POU2AF2: variants seen among roughly 807,000 people sequenced by gnomAD.
The protein encoded by POU2AF2 is POU domain class 2-associating factor 2.
the POU2AF2 span, among the ~76,000 whole-genome samples, chr11:111,252,238 AC>A: frequency 1.3e-5 from 2 of 152,032 alleles, no homozygotes; most frequent in African/African-American, 4.8e-5. Flanking sequence ...ATTAGAGTTG[AC>A]CACCCCACCT....
chr11:111,264,622 GAAGA>G, the POU2AF2 span, among the ~76,000 whole-genome samples: 571 of 68,332 alleles, frequency 8.4e-3, 63 homozygotes, highest in African/African-American at 0.024. Flanking sequence ...GAAAGAAAGA[GAAGA>G]AAGAAAGAGA....
At chr11:111,254,241 A>T in the POU2AF2 span, among the ~76,000 whole-genome samples, 1 of 152,242 alleles carries the variant, frequency 6.6e-6, no homozygotes, top group Admixed American at 6.5e-5. Flanking sequence ...TTTAAATTTG[A>T]GGCTGATTTC....
the POU2AF2 span, among the ~76,000 whole-genome samples, chr11:111,258,927 G>A: frequency 1.3e-5 from 2 of 152,114 alleles, no homozygotes; most frequent in African/African-American, 2.4e-5. Flanking sequence ...AGTGACAGTG[G>A]GTCTTTTATG....
chr11:111,279,559 C>T, the POU2AF2 span, among the ~76,000 whole-genome samples: 1 of 152,186 alleles, frequency 6.6e-6, no homozygotes, highest in Non-Finnish European at 1.5e-5. Context: ...AAACTGCTGC[C>T]TTTGTCTTCA....
the POU2AF2 span, among the ~76,000 whole-genome samples, chr11:111,249,219 G>A: frequency 6.6e-6 from 1 of 152,270 alleles, no homozygotes; most frequent in Middle Eastern, 3.4e-3. Flanking sequence ...GTATGCAGGT[G>A]TGGATTCTTT....
At chr11:111,283,682 G>A in the POU2AF2 span, among the ~76,000 whole-genome samples, 10 of 152,134 alleles carry the variant, frequency 6.6e-5, no homozygotes, top group Non-Finnish European at 1.5e-5. Flanking sequence ...AGCACCTCTT[G>A]TTAACAGTTC....
At chr11:111,263,867 C>A in the POU2AF2 span, among the ~76,000 whole-genome samples, 1 of 152,284 alleles carries the variant, frequency 6.6e-6, no homozygotes, top group Admixed American at 6.5e-5. Context: ...AACCTTGCTG[C>A]TAAAGGAAGA....
At chr11:111,256,941 A>G in the POU2AF2 span, among the ~76,000 whole-genome samples, 2 of 152,246 alleles carry the variant, frequency 1.3e-5, no homozygotes, top group Non-Finnish European at 2.9e-5. Context: ...TTCTGAGTCT[A>G]AAATCTTTAT....
the POU2AF2 span, among the ~76,000 whole-genome samples, chr11:111,251,070 T>C: frequency 6.6e-6 from 1 of 152,294 alleles, no homozygotes; most frequent in African/African-American, 2.4e-5. Flanking sequence ...TCATCCTGTC[T>C]ACTGTGTTGA....
At chr11:111,249,636 C>A in the POU2AF2 span, among the ~76,000 whole-genome samples, 1 of 152,172 alleles carries the variant, frequency 6.6e-6, no homozygotes, top group Admixed American at 6.5e-5. Flanking sequence ...ACTCGACTGT[C>A]TTTCTTACCT....
At chr11:111,262,651 T>A in the POU2AF2 span, among the ~76,000 whole-genome samples, 2 of 152,338 alleles carry the variant, frequency 1.3e-5, no homozygotes, top group South Asian at 4.1e-4. Flanking sequence ...CCTTCTTTCG[T>A]CTGTTTGAAC....
At chr11:111,266,277 C>T in the POU2AF2 span, among the ~76,000 whole-genome samples, 7 of 152,184 alleles carry the variant, frequency 4.6e-5, no homozygotes, top group African/African-American at 1.4e-4. Flanking sequence ...CAGTGTTCTC[C>T]GTGTGTTTCC....
At chr11:111,254,565 A>T in the POU2AF2 span, among the ~76,000 whole-genome samples, 1 of 152,148 alleles carries the variant, frequency 6.6e-6, no homozygotes, top group East Asian at 1.9e-4. Context: ...TGGAACTGAG[A>T]GATTATTATT....
At chr11:111,272,692 G>A in the POU2AF2 span, among the ~76,000 whole-genome samples, 1 of 152,166 alleles carries the variant, frequency 6.6e-6, no homozygotes, top group Non-Finnish European at 1.5e-5. Flanking sequence ...ACTGTGTGCT[G>A]TCGAGAATAG....
the POU2AF2 span, among the ~76,000 whole-genome samples, chr11:111,273,830 C>T: frequency 2.0e-5 from 3 of 152,184 alleles, no homozygotes; most frequent in South Asian, 6.2e-4. Flanking sequence ...CAGCTGTGAG[C>T]CTGCCGTGTT....
At chr11:111,285,603 T>G in the POU2AF2 span, 1 of 1,568,728 alleles carries the variant, frequency 6.4e-7, no homozygotes, top group Non-Finnish European at 8.6e-7. Flanking sequence ...CAATGTATCA[T>G]CAGAGTGTCA....
the POU2AF2 span, among the ~76,000 whole-genome samples, chr11:111,268,590 A>T: frequency 6.7e-6 from 1 of 148,634 alleles, no homozygotes; most frequent in South Asian, 2.1e-4. Context: ...CTGAAGTGCA[A>T]TGGCATGATC....
At chr11:111,284,285 C>A in the POU2AF2 span, 1 of 1,613,756 alleles carries the variant, frequency 6.2e-7, no homozygotes, top group East Asian at 2.2e-5. Context: ...GCCTCCGGCG[C>A]TGACGCCCAA....
At chr11:111,264,549 AAAGAAAGAAAGAAAGAAAGAAAGAAAGG>A in the POU2AF2 span, among the ~76,000 whole-genome samples, 547 of 68,134 alleles carry the variant, frequency 8.0e-3, 29 homozygotes, top group African/African-American at 0.023. Flanking sequence ...AGAAAGAAAG[AAAGAAAGAAAGAAAGAAAGAAAGAAAGG>A]GAGAGAGAAA....
Sources: allele counts gnomAD v4.1 joint callset (sites outside exome capture counted in the v4.1 genomes callset), GRCh38; gene constraint gnomAD v4.1.1; transcripts MANE v1.5; gene names NCBI Gene and HGNC (gene_info 2026-07-23, HGNC 2026-07-21).